GPC6: variants seen among roughly 807,000 people sequenced by gnomAD.
The protein encoded by GPC6 is glypican-6.
GPC6 carries 14 observed loss-of-function variants against 55.2 expected under a neutral mutation model. That is an observed-to-expected ratio of 0.25 (90% CI 0.17 to 0.40). The LOEUF is 0.40. Among genes scored for constraint, GPC6 ranks in the 10% least tolerant of loss-of-function variants. The probability of loss-of-function intolerance (pLI) is 1.00; values close to 1 mark genes in which losing one functional copy is unlikely to be tolerated. For synonymous variants in GPC6, 278 were observed against 259.6 expected, an observed-to-expected ratio of 1.07 and a Z score of -0.68; for missense variants, 641 against 708.5, an observed-to-expected ratio of 0.90 and a Z score of 1.08.
At chr13:93,745,613 A>G (rs898899099) in intron 2 of GPC6, among the ~76,000 whole-genome samples, 1 of 152,214 alleles carries the variant, frequency 6.6e-6, no homozygotes, top group Non-Finnish European at 1.5e-5. Context: ...AAGAAACTGT[A>G]CTTCAAATTT....
intron 2 of GPC6, among the ~76,000 whole-genome samples, chr13:93,631,984 G>T (rs908849831): frequency 3.9e-5 from 6 of 152,180 alleles, no homozygotes; most frequent in African/African-American, 1.2e-4. Context: ...GTGGATGATT[G>T]TTGTTGAAGT....
chr13:94,082,740 G>A (rs1885143814), intron 4 of GPC6, among the ~76,000 whole-genome samples: 1 of 152,082 alleles, frequency 6.6e-6, no homozygotes, highest in Admixed American at 6.5e-5. Context: ...TAGTTTATTT[G>A]ATATTTAGAA....
chr13:93,962,426 TA>T (rs200943777), intron 3 of GPC6, among the ~76,000 whole-genome samples: 11 of 151,946 alleles, frequency 7.2e-5, no homozygotes, highest in African/African-American at 2.4e-4. Context: ...AATATATATA[TA>T]TTTTTTTTCT....
At chr13:93,527,854 T>C (rs917539381) in intron 1 of GPC6, among the ~76,000 whole-genome samples, 1 of 152,130 alleles carries the variant, frequency 6.6e-6, no homozygotes, top group Admixed American at 6.6e-5. Context: ...ATTATGGAGT[T>C]CCATTGTCAT....
intron 3 of GPC6, among the ~76,000 whole-genome samples, chr13:93,914,369 C>T (rs1241402477): frequency 1.3e-5 from 2 of 152,178 alleles, no homozygotes; most frequent in African/African-American, 4.8e-5. Context: ...TTTCCAGCTT[C>T]ATCCATGTCC....
At chr13:94,149,034 G>T (rs911219962) in intron 4 of GPC6, among the ~76,000 whole-genome samples, 2 of 152,090 alleles carry the variant, frequency 1.3e-5, no homozygotes, top group Non-Finnish European at 2.9e-5. Flanking sequence ...TCAGATCTTA[G>T]GACTTGGACT....
Position 93,228,637 on chromosome 13 carries a change from C to T in GPC6, c.160+1021C>T, listed in dbSNP as rs563986341. Among the ~76,000 whole-genome samples, 17 of 152,260 alleles carry T rather than the reference C, an allele frequency of 1.1e-4. 1 individual carries two copies. Among genetic ancestry groups the T allele is most frequent in the Admixed American group, 9.8e-4 (15 of 15,306 alleles). ...ATGAAACGTGTCGGGGAGAGATAAT[C>T]CTTTGGCTGCTAAAGAACAGAACTG... On this transcript the variant is annotated intron_variant, in intron 1 of 8. Transcript: ENST00000377047.
chr13:93,509,383 A>G (rs563050471), intron 1 of GPC6, among the ~76,000 whole-genome samples: 3 of 152,324 alleles, frequency 2.0e-5, no homozygotes, highest in Admixed American at 6.5e-5. Flanking sequence ...TTCCTCTCCA[A>G]TAACACGTCA....
chr13:93,382,052 G>A (rs1321893990), intron 1 of GPC6, among the ~76,000 whole-genome samples: 13 of 152,116 alleles, frequency 8.5e-5, no homozygotes, highest in Non-Finnish European at 5.9e-5. Flanking sequence ...GATATTTTGA[G>A]ATCTTATTAT....
intron 1 of GPC6, among the ~76,000 whole-genome samples, chr13:93,482,129 C>T (rs946615704): frequency 1.3e-5 from 2 of 152,076 alleles, no homozygotes; most frequent in African/African-American, 2.4e-5. Context: ...ACACTTCTTT[C>T]GTTACATTTA....
intron 4 of GPC6, among the ~76,000 whole-genome samples, chr13:94,031,035 TGTGTGCGTTTGTGCGTTTGTGC>T (rs1294684878): frequency 6.6e-6 from 1 of 151,854 alleles, no homozygotes; most frequent in African/African-American, 2.4e-5. Context: ...CATGCATGCG[TGTGTGCGTTTGTGCGTTTGTGC>T]GTGTGCATGT....
At chr13:94,276,918 A>G (rs935140369) in intron 4 of GPC6, among the ~76,000 whole-genome samples, 3 of 152,158 alleles carry the variant, frequency 2.0e-5, no homozygotes, top group Non-Finnish European at 4.4e-5. Context: ...ATGTGTCTTT[A>G]TCATAGAATG....
intron 1 of GPC6, among the ~76,000 whole-genome samples, chr13:93,379,359 A>G (rs148668889): frequency 6.6e-6 from 1 of 152,226 alleles, no homozygotes; most frequent in Non-Finnish European, 1.5e-5. Context: ...GCAGTTGATT[A>G]TGTCTAGAAT....
chr13:94,372,698 G>A (rs1879624172), intron 6 of GPC6, among the ~76,000 whole-genome samples: 1 of 152,194 alleles, frequency 6.6e-6, no homozygotes, highest in African/African-American at 2.4e-5. Flanking sequence ...AGCTCGAACT[G>A]GGTGGAGCCC....
At chr13:93,425,359 A>G (rs1877088395) in intron 1 of GPC6, among the ~76,000 whole-genome samples, 1 of 152,148 alleles carries the variant, frequency 6.6e-6, no homozygotes, top group Non-Finnish European at 1.5e-5. Context: ...AATACTTCCT[A>G]TCAATTCTAA....
At chr13:93,706,370 TATTATA>T (rs1882849372) in intron 2 of GPC6, among the ~76,000 whole-genome samples, 1 of 151,930 alleles carries the variant, frequency 6.6e-6, no homozygotes, top group African/African-American at 2.4e-5. Flanking sequence ...AAAAGTCTTC[TATTATA>T]ATTGTATATA....
intron 6 of GPC6, among the ~76,000 whole-genome samples, chr13:94,353,615 A>G (rs900625227): frequency 6.6e-6 from 1 of 152,204 alleles, no homozygotes; most frequent in Non-Finnish European, 1.5e-5. Context: ...TCCTCTTTAA[A>G]TGGCACCATT....
intron 1 of GPC6, among the ~76,000 whole-genome samples, chr13:93,425,124 C>A (rs902144601): frequency 5.3e-5 from 8 of 152,162 alleles, no homozygotes; most frequent in African/African-American, 1.7e-4. Context: ...ATATTTAATG[C>A]AATATTTTAA....
intron 1 of GPC6, among the ~76,000 whole-genome samples, chr13:93,244,968 A>G (rs530211101): frequency 6.6e-6 from 1 of 152,294 alleles, no homozygotes; most frequent in East Asian, 1.9e-4. Context: ...ATCCCAATAA[A>G]TTGAGTAGTA....
Sources: allele counts gnomAD v4.1 joint callset (sites outside exome capture counted in the v4.1 genomes callset), GRCh38; gene constraint gnomAD v4.1.1; transcripts MANE v1.5; gene names NCBI Gene and HGNC (gene_info 2026-07-23, HGNC 2026-07-21).